TRIM74: variants seen among roughly 807,000 people sequenced by gnomAD.
TRIM74 encodes the protein tripartite motif containing 74.
In TRIM74, 3 loss-of-function variants were observed where a neutral mutation model predicts 14.5. The observed-to-expected ratio is 0.21, with a 90% CI of 0.09 to 0.53. TRIM74 has a LOEUF of 0.53. Ranked by LOEUF, TRIM74 falls within the 20% of genes least tolerant of loss-of-function variation. The pLI is 0.95. For synonymous variants in TRIM74, 10 were observed against 71.3 expected (o/e 0.14, Z 4.33); for missense variants, 26 against 174.0 (o/e 0.15, Z 4.79).
chr7:72,967,059 A>C (rs1324779091), intron 1 of TRIM74: 1 of 151,966 alleles, frequency 6.6e-6, no homozygotes, highest in Non-Finnish European at 1.5e-5. Context: ...ACATCACAGG[A>C]CTGGGGAGGC....
chr7:72,962,680 CA>C (rs1306834410), intron 2 of TRIM74, among the ~76,000 whole-genome samples: 2 of 50,094 alleles, frequency 4.0e-5, no homozygotes, highest in African/African-American at 8.1e-5. Flanking sequence ...GACTCCGTCT[CA>C]AAAAAAAAAA....
At chr7:72,955,032 A>G, downstream of TRIM74, 1 of 637,358 alleles carries the variant, frequency 1.6e-6, no homozygotes, top group East Asian at 3.0e-5. Context: ...ATATGTTCAC[A>G]TGTGTATTGG....
At chr7:72,966,855 G>A (rs1798291190) in intron 1 of TRIM74, 1 of 117,864 alleles carries the variant, frequency 8.5e-6, no homozygotes, top group Non-Finnish European at 1.8e-5. Flanking sequence ...GATCCACTGG[G>A]CCTCCCACTA....
intron 1 of TRIM74, chr7:72,966,683 A>T (rs1282666441): frequency 2.9e-5 from 2 of 69,520 alleles, no homozygotes; most frequent in African/African-American, 2.0e-4. Flanking sequence ...CCAGAACTCT[A>T]CACTTATAGG....
chr7:72,966,933 T>C (rs1486226113), intron 1 of TRIM74: 1 of 141,220 alleles, frequency 7.1e-6, no homozygotes, highest in African/African-American at 2.6e-5. Context: ...GAGTCAGAAG[T>C]GGGAAGTGCA....
chr7:72,969,341 C>T lies in TRIM74; in HGVS notation c.-75G>A. 1.0e-5 allele frequency: 4 copies of T among 401,970 alleles called. No homozygotes were observed. In the South Asian group the frequency reaches 1.1e-4, roughly 11 times the overall value. The allele number at this position is 401,970 out of a possible 1,614,324, so 24.9% of individuals were successfully genotyped here. ...TGCTCTCTGTCGCTCCAGTTAGATGCCCCATCCTGCCCCGCGAGCTCCAAT... is the reference window on the plus strand; with the variant it reads ...TGCTCTCTGTCGCTCCAGTTAGATGTCCCATCCTGCCCCGCGAGCTCCAAT... On this transcript the variant is annotated 5_prime_UTR_variant, in exon 1 of 5. Transcript: ENST00000285805.
intron 1 of TRIM74, among the ~76,000 whole-genome samples, chr7:72,966,443 G>T (rs1798277101): frequency 7.3e-6 from 1 of 137,632 alleles, no homozygotes; most frequent in African/African-American, 3.3e-5. Context: ...CTCAAATTTG[G>T]AGACAAGCAT....
chr7:72,955,900 C>T (rs538800494), downstream of TRIM74, among the ~76,000 whole-genome samples: 3 of 147,126 alleles, frequency 2.0e-5, no homozygotes, highest in South Asian at 4.4e-4. Flanking sequence ...GAACTCCTGG[C>T]CTAAAGTGAT....
chr7:72,967,247 G>GT (rs1400478864), intron 1 of TRIM74, among the ~76,000 whole-genome samples: 1 of 145,918 alleles, frequency 6.9e-6, no homozygotes. Context: ...ATCCTTTTTT[G>GT]GGGGGGGTGG....
chr7:72,962,670 G>C (rs1798188172), intron 2 of TRIM74, among the ~76,000 whole-genome samples: 1 of 113,316 alleles, frequency 8.8e-6, no homozygotes, highest in Non-Finnish European at 1.8e-5. Flanking sequence ...GACAGAGCGA[G>C]ACTCCGTCTC....
chr7:72,967,246 TG>T (rs1286176329), intron 1 of TRIM74, among the ~76,000 whole-genome samples: 18 of 100,902 alleles, frequency 1.8e-4, no homozygotes, highest in South Asian at 1.2e-3. Context: ...TATCCTTTTT[TG>T]GGGGGGGTGG....
chr7:72,955,087 GTA>G (rs56757405), downstream of TRIM74: 6,249 of 301,490 alleles, frequency 0.021, 282 homozygotes, highest in African/African-American at 0.078. Context: ...GTGTATGTGT[GTA>G]TATATATATA....
At chr7:72,955,718 G>A (rs1798082530), downstream of TRIM74, among the ~76,000 whole-genome samples, 4 of 138,498 alleles carry the variant, frequency 2.9e-5, no homozygotes, top group South Asian at 7.4e-4. Context: ...CGTCACCCAG[G>A]CTGGAGTGCA....
downstream of TRIM74, chr7:72,955,082 T>C (rs1308859814): frequency 4.1e-6 from 2 of 488,990 alleles, no homozygotes; most frequent in Non-Finnish European, 7.3e-6. Context: ...TATGTGTGTA[T>C]GTGTGTATAT....
chr7:72,955,102 TATATA>T (rs1185589428), downstream of TRIM74: 1,087 of 166,744 alleles, frequency 6.5e-3, 7 homozygotes, highest in East Asian at 9.5e-3. Flanking sequence ...TATATATATA[TATATA>T]TATATTTTTT....
chr7:72,960,300 GCTCTGTCTGGCTGGC>G, intron 3 of TRIM74, 49 bp from the exon 4 acceptor site: 1 of 938,062 alleles, frequency 1.1e-6, no homozygotes, highest in Non-Finnish European at 1.5e-6. Context: ...GAGCTGCCAG[GCTCTGTCTGGCTGGC>G]CTCGGTGTCC....
downstream of TRIM74, among the ~76,000 whole-genome samples, chr7:72,955,157 C>T (rs1425114717): frequency 3.2e-5 from 4 of 123,794 alleles, no homozygotes; most frequent in African/African-American, 1.3e-4. Context: ...CGCGCAGTGT[C>T]GCGATCTTGG....
chr7:72,954,945 C>T (rs1367146035), downstream of TRIM74: 1 of 602,288 alleles, frequency 1.7e-6, no homozygotes, highest in African/African-American at 2.3e-5. Context: ...CACTTCTTCT[C>T]CAGTTCTTCA....
chr7:72,955,267 T>C (rs567121052), downstream of TRIM74, among the ~76,000 whole-genome samples: 1,262 of 122,098 alleles, frequency 0.01, 32 homozygotes, highest in African/African-American at 0.041. Context: ...CGGCTAATTT[T>C]TGTATTTTTA....
Sources: gnomAD v4.1 joint callset for allele counts (sites outside exome capture counted in the v4.1 genomes callset) on GRCh38, gnomAD v4.1.1 for gene constraint, MANE v1.5 for transcripts, NCBI Gene and HGNC (gene_info 2026-07-23, HGNC 2026-07-21) for gene names.